KCNAB1: variants seen among roughly 807,000 people sequenced by gnomAD.
KCNAB1 encodes the protein potassium voltage-gated channel subfamily A regulatory beta subunit 1, also known as voltage-gated potassium channel subunit beta-1.
In KCNAB1, 35 loss-of-function variants were observed where a neutral mutation model predicts 64.6. That is an observed-to-expected ratio of 0.54 (90% CI 0.41 to 0.72). KCNAB1 has a LOEUF of 0.72. Ranked by LOEUF, KCNAB1 falls within the 30% of genes least tolerant of loss-of-function variation. The pLI is 0.00. For missense variants in KCNAB1, 401 were observed against 512.9 expected (o/e 0.78, Z 2.11); for synonymous variants, 177 against 183.8 (o/e 0.96, Z 0.30).
rs567252198 is a variant in KCNAB1 at position 156,415,132 on chromosome 3, A to G, written c.276-6484A>G. On this transcript the variant is annotated intron_variant, in intron 1 of 13. Coordinates refer to ENST00000490337, the MANE Select transcript of KCNAB1 (RefSeq NM_172160.3). Reference sequence around the variant, plus strand: ...GGCTGGAAGATCATTAGGGCAACTGAGAGGATCATTAGGCCAGGGAAGTGG... The same window carrying G: ...GGCTGGAAGATCATTAGGGCAACTGGGAGGATCATTAGGCCAGGGAAGTGG... Among the ~76,000 whole-genome samples the G allele has an allele frequency of 5.8e-4, 88 of 152,312 alleles. No individual in the cohort carries two copies. In the East Asian group the frequency reaches 0.016, roughly 28 times the overall value.
At chr3:156,462,672 C>T (rs1279097644) in intron 5 of KCNAB1, among the ~76,000 whole-genome samples, 1 of 152,212 alleles carries the variant, frequency 6.6e-6, no homozygotes, top group Non-Finnish European at 1.5e-5. Context: ...ATTAATCATA[C>T]TAGGTTTTTA....
intron 1 of KCNAB1, among the ~76,000 whole-genome samples, chr3:156,299,814 A>T (rs1721037246): frequency 6.6e-6 from 1 of 152,088 alleles, no homozygotes; most frequent in Admixed American, 6.5e-5. Flanking sequence ...CTGTTTTTCC[A>T]ATTTGCACTG....
intron 1 of KCNAB1, among the ~76,000 whole-genome samples, chr3:156,203,984 G>T (rs1714497790): frequency 6.6e-6 from 1 of 152,082 alleles, no homozygotes; most frequent in African/African-American, 2.4e-5. Context: ...TTTGCTCATT[G>T]CTGGGACTGC....
intron 1 of KCNAB1, among the ~76,000 whole-genome samples, chr3:156,278,764 G>A (rs994472262): frequency 1.8e-4 from 27 of 151,786 alleles, no homozygotes; most frequent in African/African-American, 5.8e-4. Flanking sequence ...TCGCAGAGTC[G>A]GTGTCACCAG....
At chr3:156,307,297 T>C (rs951612217) in intron 1 of KCNAB1, among the ~76,000 whole-genome samples, 14 of 152,070 alleles carry the variant, frequency 9.2e-5, no homozygotes, top group African/African-American at 3.1e-4. Flanking sequence ...ACTATACTGA[T>C]TTGATTTTAG....
chr3:156,359,798 T>C (rs1725484809), intron 1 of KCNAB1, among the ~76,000 whole-genome samples: 1 of 152,206 alleles, frequency 6.6e-6, no homozygotes, highest in South Asian at 2.1e-4. Context: ...GGATATTTAG[T>C]TGCAATGAGC....
intron 1 of KCNAB1, among the ~76,000 whole-genome samples, chr3:156,249,022 GGTTGT>G (rs1717640508): frequency 9.3e-6 from 1 of 107,564 alleles, no homozygotes; most frequent in East Asian, 3.6e-4. Flanking sequence ...ATAGAAATCT[GGTTGT>G]GTTTTTTTTT....
intron 8 of KCNAB1, among the ~76,000 whole-genome samples, chr3:156,505,146 A>G (rs907559438): frequency 6.6e-6 from 1 of 152,140 alleles, no homozygotes; most frequent in African/African-American, 2.4e-5. Context: ...GTTTTCCCAG[A>G]ACTATTTATT....
intron 1 of KCNAB1, among the ~76,000 whole-genome samples, chr3:156,159,706 CAAGT>C (rs775809921): frequency 2.0e-5 from 3 of 152,180 alleles, no homozygotes; most frequent in Non-Finnish European, 2.9e-5. Flanking sequence ...ACTAATTTTA[CAAGT>C]AAGTTTTCTG....
intron 1 of KCNAB1, among the ~76,000 whole-genome samples, chr3:156,168,541 AC>A (rs1362017232): frequency 2.0e-5 from 3 of 152,214 alleles, no homozygotes; most frequent in African/African-American, 7.2e-5. Context: ...CACAGTACCT[AC>A]CATATCTATT....
intron 1 of KCNAB1, among the ~76,000 whole-genome samples, chr3:156,353,891 C>T (rs917732201): frequency 6.6e-6 from 1 of 151,920 alleles, no homozygotes; most frequent in African/African-American, 2.4e-5. Context: ...AGCCCATGCT[C>T]AAAGGGAAGG....
At chr3:156,197,513 A>T (rs1268332551) in intron 1 of KCNAB1, among the ~76,000 whole-genome samples, 5 of 152,062 alleles carry the variant, frequency 3.3e-5, no homozygotes, top group African/African-American at 1.2e-4. Context: ...CAGAGATTTG[A>T]CTTCTTCCTG....
chr3:156,284,692 G>A (rs1042694874), intron 1 of KCNAB1, among the ~76,000 whole-genome samples: 5 of 152,214 alleles, frequency 3.3e-5, no homozygotes, highest in African/African-American at 9.7e-5. Flanking sequence ...TAAGCCCGTC[G>A]GAAAAGTGCA....
chr3:156,504,147 G>A (rs892059246), intron 8 of KCNAB1, among the ~76,000 whole-genome samples: 1 of 152,108 alleles, frequency 6.6e-6, no homozygotes, highest in African/African-American at 2.4e-5. Context: ...ACATATGAGT[G>A]AGATAAATAT....
intron 2 of KCNAB1, among the ~76,000 whole-genome samples, chr3:156,434,834 A>G (rs79261095): frequency 0.036 from 5,442 of 152,318 alleles, 331 homozygotes; most frequent in African/African-American, 0.13. Context: ...GATAAGTGGA[A>G]AAATAAGCAT....
Position 156,459,823 on chromosome 3 carries a change from C to A in KCNAB1, c.438-4C>A. 6.2e-7 allele frequency: 1 copy of A among 1,605,176 alleles called. No homozygotes were observed. The highest frequency in any genetic ancestry group is 1.1e-5 in the South Asian group (1 of 90,550). ...TCTAAGACATTATCTGTTTCCCCTT[C>A]CAGGGCTGAAGTGATTCTGGGGAGC... On this transcript the variant is annotated splice_region_variant and splice_polypyrimidine_tract_variant and intron_variant, in intron 4 of 13. Transcript: ENST00000490337.
chr3:156,216,260 C>A (rs1367175315), intron 1 of KCNAB1, among the ~76,000 whole-genome samples: 3 of 152,130 alleles, frequency 2.0e-5, no homozygotes, highest in East Asian at 1.9e-4. Flanking sequence ...TAGATGAAAT[C>A]ATTATTTCTA....
intron 1 of KCNAB1, among the ~76,000 whole-genome samples, chr3:156,200,477 C>G (rs184367634): frequency 4.5e-4 from 69 of 152,290 alleles, no homozygotes; most frequent in Middle Eastern, 6.8e-3. Flanking sequence ...ATCTCTAAGC[C>G]CCTGACTGGG....
intron 1 of KCNAB1, among the ~76,000 whole-genome samples, chr3:156,161,406 T>A (rs185120700): frequency 6.6e-6 from 1 of 152,328 alleles, no homozygotes; most frequent in East Asian, 1.9e-4. Context: ...ATTGATGACC[T>A]AACTGAAAGA....
Sources: allele counts gnomAD v4.1 joint callset (sites outside exome capture counted in the v4.1 genomes callset), GRCh38; gene constraint gnomAD v4.1.1; transcripts MANE v1.5; gene names NCBI Gene and HGNC (gene_info 2026-07-23, HGNC 2026-07-21).